The following ROBO1 variants were observed in gnomAD, a reference collection of about 807,000 sequenced individuals.
ROBO1 encodes the protein roundabout homolog 1.
Under a neutral mutation model 195.9 loss-of-function variants are expected in ROBO1, and 149 were observed. The ratio of observed to expected loss-of-function variants is 0.76; its 90% CI spans 0.67 to 0.87. The LOEUF is 0.87. ROBO1 is among the 40% of genes least tolerant of loss of function. The pLI is 0.00. For missense variants in ROBO1, 1,933 were observed against 2,068.3 expected, an observed-to-expected ratio of 0.93 and a Z score of 1.27; for synonymous variants, 816 against 733.2, an observed-to-expected ratio of 1.11 and a Z score of -1.82.
chr3:78,879,920 C>A (rs896646529), intron 4 of ROBO1, among the ~76,000 whole-genome samples: 7 of 151,828 alleles, frequency 4.6e-5, no homozygotes, highest in African/African-American at 1.7e-4. Flanking sequence ...AGATTTGATA[C>A]CAATAATAGA....
At chr3:78,988,368 T>A (rs1441040580) in intron 3 of ROBO1, among the ~76,000 whole-genome samples, 1 of 152,098 alleles carries the variant, frequency 6.6e-6, no homozygotes, top group Non-Finnish European at 1.5e-5. Flanking sequence ...TTAGCAAAAA[T>A]TCAAATTGAA....
chr3:79,584,253 AATATATAT>A (rs10526101), intron 2 of ROBO1, among the ~76,000 whole-genome samples: 4,779 of 144,594 alleles, frequency 0.033, 229 homozygotes, highest in African/African-American at 0.11. Flanking sequence ...AGGTACATGT[AATATATAT>A]ATATATATAT....
At chr3:79,182,491 G>A (rs2081357726) in intron 2 of ROBO1, among the ~76,000 whole-genome samples, 2 of 151,848 alleles carry the variant, frequency 1.3e-5, no homozygotes, top group South Asian at 4.1e-4. Context: ...GAAAAATGTT[G>A]GGCTATGATA....
intron 2 of ROBO1, among the ~76,000 whole-genome samples, chr3:79,535,990 T>C (rs950876292): frequency 3.3e-5 from 5 of 152,150 alleles, no homozygotes; most frequent in Non-Finnish European, 7.3e-5. Flanking sequence ...TTTCCCTGGA[T>C]CTATGCCTGG....
intron 3 of ROBO1, among the ~76,000 whole-genome samples, chr3:79,088,469 T>TA (rs2079415495): frequency 6.6e-6 from 1 of 152,104 alleles, no homozygotes; most frequent in African/African-American, 2.4e-5. Flanking sequence ...AACAATGTTG[T>TA]AAAAATATGC....
intron 1 of ROBO1, among the ~76,000 whole-genome samples, chr3:79,764,513 C>A (rs144299450): frequency 6.6e-6 from 1 of 152,300 alleles, no homozygotes; most frequent in African/African-American, 2.4e-5. Context: ...TGCATTGCAC[C>A]TGCTCATTCA....
chr3:78,885,412 TAAAAA>T (rs59912706), intron 4 of ROBO1, among the ~76,000 whole-genome samples: 1,727 of 53,728 alleles, frequency 0.032, 11 homozygotes, highest in Non-Finnish European at 0.045. Flanking sequence ...AATTTAAAAC[TAAAAA>T]AAAAAAAAAA....
chr3:78,887,569 G>C (rs545157352), intron 4 of ROBO1, among the ~76,000 whole-genome samples: 2 of 152,302 alleles, frequency 1.3e-5, no homozygotes, highest in African/African-American at 4.8e-5. Context: ...CAGAGTTATA[G>C]AGATATTTAA....
intron 1 of ROBO1, among the ~76,000 whole-genome samples, chr3:79,619,411 A>G (rs1944932057): frequency 6.6e-6 from 1 of 152,008 alleles, no homozygotes; most frequent in Admixed American, 6.6e-5. Context: ...TAAAACGTAA[A>G]TGTCTCATTT....
intron 2 of ROBO1, among the ~76,000 whole-genome samples, chr3:79,469,858 G>C (rs377566078): frequency 6.6e-6 from 1 of 152,080 alleles, no homozygotes; most frequent in African/African-American, 2.4e-5. Flanking sequence ...AAAAAAAAGT[G>C]TCAGTACCAG....
chr3:79,229,285 T>G (rs934388806), intron 2 of ROBO1, among the ~76,000 whole-genome samples: 1 of 152,116 alleles, frequency 6.6e-6, no homozygotes, highest in South Asian at 2.1e-4. Flanking sequence ...CTAAAAATTC[T>G]AAATAAACTG....
intron 3 of ROBO1, among the ~76,000 whole-genome samples, chr3:79,105,938 C>T (rs1278929947): frequency 1.3e-5 from 2 of 151,600 alleles, no homozygotes; most frequent in Non-Finnish European, 3.0e-5. Flanking sequence ...CCCCAAAGAT[C>T]TTGGCTTGGA....
At chr3:79,129,596 T>C (rs2080285880) in intron 2 of ROBO1, among the ~76,000 whole-genome samples, 1 of 152,168 alleles carries the variant, frequency 6.6e-6, no homozygotes, top group Non-Finnish European at 1.5e-5. Flanking sequence ...TAATAATTCA[T>C]TAAATGTTTG....
intron 1 of ROBO1, among the ~76,000 whole-genome samples, chr3:79,725,919 T>A (rs1702904445): frequency 6.6e-6 from 1 of 150,982 alleles, no homozygotes; most frequent in Non-Finnish European, 1.5e-5. Context: ...AAAAAAACTT[T>A]TCTTAAAAAA....
chr3:79,105,135 A>G (rs1245837993), intron 3 of ROBO1, among the ~76,000 whole-genome samples: 1 of 151,878 alleles, frequency 6.6e-6, no homozygotes, highest in East Asian at 1.9e-4. Flanking sequence ...GCAAAATATG[A>G]TGGTATAATT....
chr3:78,926,414 C>T (rs2107623509), intron 4 of ROBO1, among the ~76,000 whole-genome samples: 1 of 152,222 alleles, frequency 6.6e-6, no homozygotes, highest in Admixed American at 6.5e-5. Context: ...TGGGAAAATA[C>T]TGAAGCTGTT....
chr3:79,255,591 T>C (rs573964980), intron 2 of ROBO1, among the ~76,000 whole-genome samples: 17 of 152,176 alleles, frequency 1.1e-4, no homozygotes, highest in Non-Finnish European at 2.4e-4. Context: ...TTCTGCATTT[T>C]AATCATTAGT....
intron 2 of ROBO1, among the ~76,000 whole-genome samples, chr3:79,330,671 G>GAAAAAAAA (rs34923136): frequency 1.3e-5 from 1 of 77,394 alleles, no homozygotes; most frequent in African/African-American, 5.7e-5. Flanking sequence ...GGAACTTAGG[G>GAAAAAAAA]AAAAAAAAAA....
intron 3 of ROBO1, among the ~76,000 whole-genome samples, chr3:79,042,307 CAT>C (rs564246713): frequency 6.8e-4 from 104 of 152,248 alleles, no homozygotes; most frequent in African/African-American, 2.2e-3. Context: ...CTCTCACACA[CAT>C]GAGTTTAATA....
Sources: gnomAD v4.1 joint callset for allele counts (sites outside exome capture counted in the v4.1 genomes callset) on GRCh38, gnomAD v4.1.1 for gene constraint, MANE v1.5 for transcripts, NCBI Gene and HGNC (gene_info 2026-07-23, HGNC 2026-07-21) for gene names.